The following NBEA variants were observed in gnomAD, a reference collection of about 807,000 sequenced individuals.
NBEA encodes the protein lysosomal-trafficking regulator 2.
In NBEA, 44 loss-of-function variants were observed where a neutral mutation model predicts 343.4. That is an observed-to-expected ratio of 0.13 (90% CI 0.10 to 0.16). The LOEUF is 0.16. Ranked by LOEUF, NBEA falls within the 10% of genes least tolerant of loss-of-function variation. The pLI is 1.00. For synonymous variants in NBEA, 1,175 were observed against 1,238.7 expected (o/e 0.95, Z 1.08); for missense variants, 2,555 against 3,631.3 (o/e 0.70, Z 7.62).
intron 38 of NBEA, among the ~76,000 whole-genome samples, chr13:35,366,890 A>G (rs1392375978): frequency 6.6e-6 from 1 of 151,406 alleles, no homozygotes; most frequent in Non-Finnish European, 1.5e-5. Flanking sequence ...AGTAAATACT[A>G]TGAGTACTCC....
chr13:35,320,030 G>C (rs529666274), intron 36 of NBEA, among the ~76,000 whole-genome samples: 20 of 152,174 alleles, frequency 1.3e-4, no homozygotes, highest in African/African-American at 4.6e-4. Flanking sequence ...ACACTGATGG[G>C]TCGTGACTCT....
intron 41 of NBEA, among the ~76,000 whole-genome samples, chr13:35,525,240 A>C (rs2077911956): frequency 1.3e-5 from 2 of 152,150 alleles, no homozygotes; most frequent in African/African-American, 4.8e-5. Context: ...ATTAGTGGTA[A>C]ATATTACTAT....
chr13:35,361,499 G>A (rs1202387718), intron 38 of NBEA, among the ~76,000 whole-genome samples: 3 of 151,976 alleles, frequency 2.0e-5, no homozygotes, highest in East Asian at 1.9e-4. Context: ...TGCAAAAATC[G>A]GAACTTGACC....
chr13:35,282,270 A>T (rs2035105637), intron 34 of NBEA, among the ~76,000 whole-genome samples: 2 of 152,110 alleles, frequency 1.3e-5, no homozygotes, highest in African/African-American at 4.8e-5. Context: ...AAATGTAACT[A>T]CTTGTGTAAT....
intron 6 of NBEA, among the ~76,000 whole-genome samples, chr13:35,054,496 G>C (rs1401617960): frequency 1.3e-5 from 2 of 151,856 alleles, no homozygotes; most frequent in African/African-American, 4.8e-5. Flanking sequence ...TGATTACCTG[G>C]AATGAAAAAA....
chr13:35,171,263 T>C lies in NBEA; in HGVS notation c.4243-9T>C, dbSNP rs2070444294. ...TTAAACAAGACTTAAATCTTCTACT[T>C]TTTTAAAGACGGAATTGGAAAATAT... is the stretch of plus-strand genomic sequence containing the variant. On this transcript the variant is annotated splice_polypyrimidine_tract_variant and intron_variant, in intron 25 of 58. Transcript: ENST00000379939. The C allele has an allele frequency of 6.2e-7, 1 of 1,606,302 alleles. No individual in the cohort carries two copies. Among genetic ancestry groups the C allele is most frequent in the Non-Finnish European group, 8.5e-7 (1 of 1,175,582 alleles).
chr13:35,405,474 A>G (rs1243930453), intron 38 of NBEA, among the ~76,000 whole-genome samples: 2 of 152,168 alleles, frequency 1.3e-5, no homozygotes, highest in East Asian at 1.9e-4. Flanking sequence ...ATTTATCCCA[A>G]TTTTGTGAAT....
At chr13:35,627,673 T>C (rs903203264) in intron 48 of NBEA, among the ~76,000 whole-genome samples, 4 of 152,154 alleles carry the variant, frequency 2.6e-5, no homozygotes, top group Non-Finnish European at 5.9e-5. Context: ...TCTCATAAAA[T>C]TGCTTAATTT....
chr13:35,308,468 A>G lies in NBEA; in HGVS notation c.5839-1060A>G, dbSNP rs12876310. On this transcript the variant is annotated intron_variant, in intron 35 of 58. Coordinates refer to ENST00000379939, the MANE Select transcript of NBEA (RefSeq NM_001385012.1). ...TATATATATATATATATATATATAT[A>G]TATATGTATATATATATGTGTATAT... Among the ~76,000 whole-genome samples, 432 of 94,860 alleles carry G rather than the reference A, an allele frequency of 4.6e-3. 6 individuals carry two copies. Among genetic ancestry groups the G allele is most frequent in the East Asian group, 0.012 (39 of 3,302 alleles). 62.2% of individuals were successfully genotyped at this position (94,860 alleles called of 152,430 possible).
At chr13:35,336,455 A>T (rs986645900) in intron 36 of NBEA, among the ~76,000 whole-genome samples, 1 of 152,150 alleles carries the variant, frequency 6.6e-6, no homozygotes, top group Non-Finnish European at 1.5e-5. Context: ...TATTGCGGAA[A>T]GTAGCGTGGC....
chr13:35,409,692 T>G (rs1205269600), intron 38 of NBEA, among the ~76,000 whole-genome samples: 1 of 152,102 alleles, frequency 6.6e-6, no homozygotes, highest in Non-Finnish European at 1.5e-5. Context: ...GTAAAAGTGA[T>G]GCCAAGAAGT....
intron 41 of NBEA, among the ~76,000 whole-genome samples, chr13:35,498,262 T>G (rs1052897222): frequency 5.3e-5 from 8 of 152,096 alleles, no homozygotes; most frequent in African/African-American, 1.9e-4. Flanking sequence ...CTTGTTTTTT[T>G]ATATGTCCAG....
intron 47 of NBEA, among the ~76,000 whole-genome samples, chr13:35,602,788 G>C (rs761214892): frequency 3.3e-5 from 5 of 152,134 alleles, no homozygotes; most frequent in Admixed American, 6.6e-5. Flanking sequence ...CCCAGTTAGG[G>C]CCTCCTTGAA....
intron 34 of NBEA, among the ~76,000 whole-genome samples, chr13:35,255,937 T>C (rs1055390455): frequency 3.9e-5 from 6 of 152,242 alleles, no homozygotes; most frequent in African/African-American, 1.4e-4. Flanking sequence ...AGAACAACTC[T>C]TGGGAGACCC....
At chr13:35,608,477 A>G (rs149475017) in intron 48 of NBEA, among the ~76,000 whole-genome samples, 4 of 152,318 alleles carry the variant, frequency 2.6e-5, no homozygotes, top group African/African-American at 9.6e-5. Flanking sequence ...TACCAGCGCT[A>G]CAAATGGAAC....
intron 55 of NBEA, among the ~76,000 whole-genome samples, chr13:35,659,772 C>T (rs1593499961): frequency 2.0e-5 from 3 of 152,004 alleles, no homozygotes; most frequent in South Asian, 4.1e-4. Flanking sequence ...CGGCTTTGAA[C>T]GTATAAATTA....
chr13:35,510,795 G>C (rs2077246863), intron 41 of NBEA, among the ~76,000 whole-genome samples: 1 of 152,110 alleles, frequency 6.6e-6, no homozygotes, highest in Admixed American at 6.5e-5. Flanking sequence ...TTACAGTGGA[G>C]AAAACTAGAG....
At chr13:34,944,984 A>T (rs2059145978) in intron 1 of NBEA, among the ~76,000 whole-genome samples, 1 of 152,118 alleles carries the variant, frequency 6.6e-6, no homozygotes, top group Admixed American at 6.5e-5. Flanking sequence ...CTAAGAAAGG[A>T]AGTGAAATGT....
chr13:35,296,747 T>C (rs1013588252), intron 35 of NBEA, among the ~76,000 whole-genome samples: 1 of 152,084 alleles, frequency 6.6e-6, no homozygotes, highest in African/African-American at 2.4e-5. Flanking sequence ...GAAAACTATA[T>C]ATATATATAT....
Sources: gnomAD v4.1 joint callset for allele counts (sites outside exome capture counted in the v4.1 genomes callset) on GRCh38, gnomAD v4.1.1 for gene constraint, MANE v1.5 for transcripts, NCBI Gene and HGNC (gene_info 2026-07-23, HGNC 2026-07-21) for gene names.